The following CCSER2 variants were observed in gnomAD, a reference collection of about 807,000 sequenced individuals.
The protein encoded by CCSER2 is serine-rich coiled-coil domain-containing protein 2.
In CCSER2, 46 loss-of-function variants were observed where a neutral mutation model predicts 92.3. That is an observed-to-expected ratio of 0.50 (90% CI 0.39 to 0.64). CCSER2 has a LOEUF of 0.64. Ranked by LOEUF, CCSER2 falls within the 30% of genes least tolerant of loss-of-function variation. The probability of loss-of-function intolerance (pLI) is 0.00; values close to 1 mark genes in which losing one functional copy is unlikely to be tolerated. For synonymous variants in CCSER2, 433 were observed against 431.4 expected (o/e 1.00, Z -0.04); for missense variants, 1,244 against 1,238.9 (o/e 1.00, Z -0.06).
chr10:84,371,178 C>T lies in CCSER2; in HGVS notation c.126C>T (p.Ser42=). The change falls in exon 2 of 10, where the codon TCC becomes TCT. Residue 42 remains serine, a synonymous_variant. Transcript: ENST00000372088. ...CACCTGTTAATTTATTAGGAACTTC[C>T]AAGAATAGTAATGTCAAAAGTTACA... is the stretch of plus-strand genomic sequence containing the variant. The part of the protein sequence containing the change: ...NGTPVNLLGT[S]KNSNVKSYIK... 1 of 1,613,316 alleles carries T rather than the reference C, an allele frequency of 6.2e-7. No individual in the cohort carries two copies. Among genetic ancestry groups the T allele is most frequent in the South Asian group, 1.1e-5 (1 of 90,986 alleles).
chr10:84,480,238 G>T (rs1042427091), intron 9 of CCSER2, among the ~76,000 whole-genome samples: 1 of 151,916 alleles, frequency 6.6e-6, no homozygotes, highest in Admixed American at 6.6e-5. Context: ...AGAGACAGGG[G>T]TCTCACACTC....
chr10:84,424,975 G>A (rs550850296), intron 4 of CCSER2: 11 of 984,566 alleles, frequency 1.1e-5, no homozygotes, highest in East Asian at 1.1e-4. Context: ...GTAGGCAGCC[G>A]GTAACACAAT....
chr10:84,449,662 C>T (rs954659705), intron 6 of CCSER2, among the ~76,000 whole-genome samples: 3 of 152,202 alleles, frequency 2.0e-5, no homozygotes, highest in Admixed American at 1.3e-4. Flanking sequence ...CGAGACCAGC[C>T]TGATCAACAT....
chr10:84,477,492 G>A (rs1173751829), intron 8 of CCSER2, 83 bp from the exon 9 acceptor site: 1 of 652,234 alleles, frequency 1.5e-6, no homozygotes, highest in Middle Eastern at 2.6e-4. Flanking sequence ...GGTGTTTTAT[G>A]TGTTTTCCTA....
rs1241490630 is a variant in CCSER2 at position 84,372,305 on chromosome 10, T to C, written c.1253T>C (p.Phe418Ser). ...TTAAGTGAAGACTTTAGTGATGATT[T>C]TATAGATATAGAAGACTCCAACAGA... ...NDLSEDFSDD[F>S]IDIEDSNRTR... Residue 418 changes from phenylalanine to serine, a missense_variant, in exon 2 of 10, where the codon TTT becomes TCT. By Grantham distance (155) the Phe-to-Ser change is radical. Transcript: ENST00000372088. 6.2e-7 allele frequency: 1 copy of C among 1,612,778 alleles called. No individual in the cohort carries two copies. The highest frequency in any genetic ancestry group is 8.5e-7 in the Non-Finnish European group (1 of 1,179,178).
chr10:84,423,983 A>T (rs1011938253), intron 4 of CCSER2, among the ~76,000 whole-genome samples: 2 of 66,954 alleles, frequency 3.0e-5, no homozygotes, highest in African/African-American at 9.7e-5. Flanking sequence ...CCCATCTCTT[A>T]AAAAAAAAAA....
intron 5 of CCSER2, among the ~76,000 whole-genome samples, chr10:84,428,754 C>T (rs1359312929): frequency 3.9e-5 from 6 of 151,916 alleles, no homozygotes; most frequent in African/African-American, 1.2e-4. Flanking sequence ...TTAAAAGATA[C>T]TTTCTATCAG....
intron 1 of CCSER2, among the ~76,000 whole-genome samples, chr10:84,341,343 CTTTTTTTT>C (rs35558044): frequency 2.1e-5 from 2 of 94,304 alleles, no homozygotes; most frequent in South Asian, 3.3e-4. Context: ...CTTTGTAACT[CTTTTTTTT>C]TTTTTTTTTT....
At chr10:84,429,373 A>C (rs553204827) in intron 5 of CCSER2, among the ~76,000 whole-genome samples, 2 of 152,300 alleles carry the variant, frequency 1.3e-5, no homozygotes, top group South Asian at 4.1e-4. Flanking sequence ...GAGGTGTTCA[A>C]GTCTCCAACT....
chr10:84,509,557 A>G (rs537205552), intron 9 of CCSER2, among the ~76,000 whole-genome samples: 1 of 152,300 alleles, frequency 6.6e-6, no homozygotes, highest in African/African-American at 2.4e-5. Flanking sequence ...GAACTCTTTA[A>G]TCTGAGAATT....
intron 9 of CCSER2, among the ~76,000 whole-genome samples, chr10:84,491,072 A>G (rs771862913): frequency 2.0e-5 from 3 of 152,194 alleles, no homozygotes; most frequent in Middle Eastern, 3.2e-3. Flanking sequence ...CTGAACAGCA[A>G]ATGTTTCTGC....
intron 5 of CCSER2, among the ~76,000 whole-genome samples, chr10:84,426,199 A>G (rs975555334): frequency 6.6e-6 from 1 of 152,160 alleles, no homozygotes; most frequent in Non-Finnish European, 1.5e-5. Context: ...AACTGTGTTA[A>G]ATTTCTTAGT....
intron 9 of CCSER2, among the ~76,000 whole-genome samples, chr10:84,480,192 G>A (rs1222172969): frequency 1.3e-5 from 2 of 152,012 alleles, no homozygotes; most frequent in Non-Finnish European, 2.9e-5. Context: ...CCACAGGTGT[G>A]CACCACCATG....
Position 84,371,808 on chromosome 10 carries a change from G to A in CCSER2, c.756G>A (p.Lys252=). 2 of 1,613,864 alleles carry A rather than the reference G, an allele frequency of 1.2e-6. No individual in the cohort carries two copies. Among genetic ancestry groups the A allele is most frequent in the Non-Finnish European group, 1.7e-6 (2 of 1,179,874 alleles). Residue 252 remains lysine, a synonymous_variant, in exon 2 of 10, where the codon AAG becomes AAA. Coordinates refer to ENST00000372088, the MANE Select transcript of CCSER2 (RefSeq NM_001284240.2). The part of the protein sequence containing the change: ...HSFNRAVDLT[K]PYQNQQLSIR... ...TTAATAGAGCTGTGGATCTTACAAAGCCTTATCAGAACCAACAGCTATCCA... is the reference window on the plus strand; with the variant it reads ...TTAATAGAGCTGTGGATCTTACAAAACCTTATCAGAACCAACAGCTATCCA...
chr10:84,390,488 A>G (rs1484531240), intron 3 of CCSER2, among the ~76,000 whole-genome samples: 2 of 152,202 alleles, frequency 1.3e-5, no homozygotes, highest in Non-Finnish European at 2.9e-5. Flanking sequence ...CAATTGTAAC[A>G]ATAACGATAT....
Position 84,438,716 on chromosome 10 carries a change from A to C in CCSER2, c.2064+9A>C, listed in dbSNP as rs771090173. On this transcript the variant is annotated intron_variant, in intron 6 of 9. Coordinates refer to ENST00000372088, the MANE Select transcript of CCSER2 (RefSeq NM_001284240.2). ...AACGTCTCCTGCATCAGGTGAGTAC[A>C]TAATGAACATTTCCAGCTCTGATAT... 7 of 1,518,286 alleles carry C rather than the reference A, an allele frequency of 4.6e-6. No homozygotes were observed. The African/African-American group carries it at 9.7e-5, about 21-fold the overall frequency. The allele number at this position is 1,518,286 out of a possible 1,614,324, so 94.1% of individuals were successfully genotyped here. A position where few individuals can be genotyped will look rare whatever the true frequency, so the allele number is the denominator to read the frequency against.
rs1564684258 is a variant in CCSER2 at position 84,457,256 on chromosome 10, TAA to T, written c.2065-6674_2065-6673del. On this transcript the variant is annotated intron_variant, in intron 6 of 9. Transcript: ENST00000372088. ...AATATATTATATATTATATATTATA[TAA>T]AATATATTATATATAATATATTATA... is the stretch of plus-strand genomic sequence containing the variant. 4.6e-4 allele frequency among the ~76,000 whole-genome samples: 18 copies of T among 39,344 alleles called. 1 individual carries two copies. Among genetic ancestry groups the T allele is most frequent in the South Asian group, 9.9e-4 (1 of 1,012 alleles). 25.8% of individuals were successfully genotyped at this position (39,344 alleles called of 152,430 possible). A position where few individuals can be genotyped will look rare whatever the true frequency, so the allele number is the denominator to read the frequency against.
intron 3 of CCSER2, among the ~76,000 whole-genome samples, chr10:84,393,683 A>G (rs555832497): frequency 2.0e-5 from 3 of 152,348 alleles, no homozygotes; most frequent in African/African-American, 7.2e-5. Flanking sequence ...ACTTACATGT[A>G]TTCCTGTGAA....
At chr10:84,356,607 C>T (rs1845185444) in intron 1 of CCSER2, among the ~76,000 whole-genome samples, 1 of 151,996 alleles carries the variant, frequency 6.6e-6, no homozygotes, top group Non-Finnish European at 1.5e-5. Context: ...CGTGGATATG[C>T]GTAGAGATTG....
Sources: gnomAD v4.1 joint callset for allele counts (sites outside exome capture counted in the v4.1 genomes callset) on GRCh38, gnomAD v4.1.1 for gene constraint, MANE v1.5 for transcripts, NCBI Gene and HGNC (gene_info 2026-07-23, HGNC 2026-07-21) for gene names.